The following RANBP2 variants were observed in gnomAD, a reference collection of about 807,000 sequenced individuals.
The protein encoded by RANBP2 is RAN binding protein 2, also known as E3 SUMO-protein ligase RanBP2.
RANBP2 carries 57 observed loss-of-function variants against 303.6 expected under a neutral mutation model. That is an observed-to-expected ratio of 0.19 (90% CI 0.15 to 0.23). The LOEUF (loss-of-function observed/expected upper bound fraction) is 0.23. Among genes scored for constraint, RANBP2 ranks in the 10% least tolerant of loss-of-function variants. The probability of loss-of-function intolerance (pLI) is 1.00; values close to 1 mark genes in which losing one functional copy is unlikely to be tolerated. For synonymous variants in RANBP2, 1,167 were observed against 1,301.5 expected (o/e 0.90, Z 2.23); for missense variants, 3,138 against 3,780.8 (o/e 0.83, Z 4.46).
At chr2:109,330,599 T>A in the RANBP2 span, among the ~76,000 whole-genome samples, 9 of 152,012 alleles carry the variant, frequency 5.9e-5, no homozygotes, top group Non-Finnish European at 1.3e-4. Flanking sequence ...GATGGATGCA[T>A]GGTGGGTCAA....
At chr2:109,077,448 A>G in the RANBP2 span, among the ~76,000 whole-genome samples, 1 of 150,644 alleles carries the variant, frequency 6.6e-6, no homozygotes, top group Non-Finnish European at 1.5e-5. Flanking sequence ...AACAAATGCA[A>G]AAATAAACAA....
chr2:108,768,390 T>C lies in RANBP2; in HGVS notation c.7849+2T>C. On this transcript the variant is annotated splice_donor_variant, in intron 20 of 28. Coordinates refer to ENST00000283195, the MANE Select transcript of RANBP2 (RefSeq NM_006267.5). LOFTEE classifies it high-confidence loss of function. ...ACACATTTAAAACACCAGAAAAGGGTAAGTACTTTGTTGTTAAAGTTAAGC... is the reference window on the plus strand; with the variant it reads ...ACACATTTAAAACACCAGAAAAGGGCAAGTACTTTGTTGTTAAAGTTAAGC... The C allele has an allele frequency of 6.2e-7, 1 of 1,610,972 alleles. No homozygotes were observed. The highest frequency in any genetic ancestry group is 2.2e-5 in the East Asian group (1 of 44,870).
the RANBP2 span, among the ~76,000 whole-genome samples, chr2:109,505,119 C>T: frequency 6.6e-6 from 1 of 152,338 alleles, no homozygotes; most frequent in African/African-American, 2.4e-5. Context: ...CCATGGCTGC[C>T]ATTCCCTGGA....
At chr2:109,058,404 G>A in the RANBP2 span, among the ~76,000 whole-genome samples, 8 of 152,260 alleles carry the variant, frequency 5.3e-5, no homozygotes, top group South Asian at 6.2e-4. Context: ...CTGTCACAGC[G>A]CCGTGAGCTT....
chr2:109,117,638 G>A, the RANBP2 span, among the ~76,000 whole-genome samples: 16 of 152,186 alleles, frequency 1.1e-4, no homozygotes, highest in African/African-American at 3.4e-4. Flanking sequence ...TGCGCTGCAC[G>A]CACTGTCCTG....
At chr2:108,761,646 C>G (rs13414214) in intron 18 of RANBP2, among the ~76,000 whole-genome samples, 6,510 of 152,094 alleles carry the variant, frequency 0.043, 462 homozygotes, top group African/African-American at 0.14. Context: ...TTGAGCTGAA[C>G]ATTCTCAGTA....
the RANBP2 span, chr2:109,564,480 G>A: frequency 4.4e-6 from 7 of 1,577,954 alleles, no homozygotes; most frequent in Admixed American, 1.0e-4. Context: ...CTCCATATTT[G>A]TACAAATGAG....
At chr2:109,551,474 C>T in the RANBP2 span, among the ~76,000 whole-genome samples, 2 of 152,034 alleles carry the variant, frequency 1.3e-5, no homozygotes, top group African/African-American at 4.8e-5. Context: ...GGTTCAAAAA[C>T]AAAAACAGAA....
the RANBP2 span, among the ~76,000 whole-genome samples, chr2:108,897,453 T>C: frequency 6.6e-6 from 1 of 152,100 alleles, no homozygotes; most frequent in African/African-American, 2.4e-5. Flanking sequence ...ACCCCGGTAA[T>C]AGCCCCTTCC....
the RANBP2 span, among the ~76,000 whole-genome samples, chr2:108,795,150 ATTTTT>A: frequency 1.2e-3 from 105 of 85,036 alleles, no homozygotes; most frequent in East Asian, 7.4e-4. Flanking sequence ...TCTAAAGTGT[ATTTTT>A]TTTTTTTTTT....
the RANBP2 span, among the ~76,000 whole-genome samples, chr2:109,037,790 T>A: frequency 6.6e-6 from 1 of 152,196 alleles, no homozygotes; most frequent in East Asian, 1.9e-4. Context: ...AAAATGCTTT[T>A]GAAAGAAATA....
the RANBP2 span, among the ~76,000 whole-genome samples, chr2:109,464,434 C>T: frequency 6.6e-6 from 1 of 152,132 alleles, no homozygotes; most frequent in African/African-American, 2.4e-5. Context: ...CATGTACACA[C>T]ATTCGCGTAC....
the RANBP2 span, among the ~76,000 whole-genome samples, chr2:108,944,954 T>C: frequency 3.5e-4 from 54 of 152,276 alleles, no homozygotes; most frequent in Non-Finnish European, 6.6e-4. Context: ...CCTGCTTGGA[T>C]GTTTCCCGTG....
the RANBP2 span, among the ~76,000 whole-genome samples, chr2:109,387,395 C>G: frequency 6.6e-6 from 1 of 152,188 alleles, no homozygotes; most frequent in South Asian, 2.1e-4. Flanking sequence ...GAAGCTTCAG[C>G]ACTAGTTGAC....
At chr2:109,080,971 T>C in the RANBP2 span, among the ~76,000 whole-genome samples, 1 of 152,148 alleles carries the variant, frequency 6.6e-6, no homozygotes, top group Non-Finnish European at 1.5e-5. Context: ...GACACAACAT[T>C]CAAAACTCAC....
chr2:109,262,029 A>G, the RANBP2 span, among the ~76,000 whole-genome samples: 2 of 152,160 alleles, frequency 1.3e-5, no homozygotes, highest in African/African-American at 4.8e-5. Flanking sequence ...AGAGCAGGAG[A>G]CAGGTCGGTG....
At chr2:108,792,654 T>C in the RANBP2 span, among the ~76,000 whole-genome samples, 1 of 152,184 alleles carries the variant, frequency 6.6e-6, no homozygotes, top group Non-Finnish European at 1.5e-5. Context: ...TTTTAAAAAA[T>C]TCATACTATG....
chr2:109,532,351 T>C, the RANBP2 span, among the ~76,000 whole-genome samples: 1 of 152,300 alleles, frequency 6.6e-6, no homozygotes, highest in East Asian at 1.9e-4. Flanking sequence ...TTTTAGCTTT[T>C]ATACTTCCAA....
Position 108,748,907 on chromosome 2 carries a change from A to G in RANBP2, c.1064-13A>G. ...TTTTAAAGTGATGGAAATAACTTAA[A>G]TTTTTTTTTCAGGGCACATGTTGCT... On this transcript the variant is annotated splice_polypyrimidine_tract_variant and intron_variant, in intron 8 of 28. Transcript: ENST00000283195. 1.2e-6 allele frequency: 2 copies of G among 1,608,864 alleles called. No individual in the cohort carries two copies. Among genetic ancestry groups the G allele is most frequent in the Non-Finnish European group, 1.7e-6 (2 of 1,177,802 alleles).
Sources: allele counts gnomAD v4.1 joint callset (sites outside exome capture counted in the v4.1 genomes callset), GRCh38; gene constraint gnomAD v4.1.1; transcripts MANE v1.5; gene names NCBI Gene and HGNC (gene_info 2026-07-23, HGNC 2026-07-21).